TADA3: variants seen among roughly 807,000 people sequenced by gnomAD.
TADA3 encodes the protein transcriptional adapter 3.
In TADA3, 25 loss-of-function variants were observed where a neutral mutation model predicts 43.2. The ratio of observed to expected loss-of-function variants is 0.58; its 90% CI spans 0.42 to 0.81. The LOEUF is 0.81. Ranked by LOEUF, TADA3 falls within the 30% of genes least tolerant of loss-of-function variation. TADA3 has a pLI of 0.00. For synonymous variants in TADA3, 235 were observed against 225.5 expected, an observed-to-expected ratio of 1.04 and a Z score of -0.38; for missense variants, 441 against 567.8, an observed-to-expected ratio of 0.78 and a Z score of 2.27.
intron 8 of TADA3, 33 bp downstream of exon 8, chr3:9,783,995 A>AC: frequency 6.3e-7 from 1 of 1,584,604 alleles, no homozygotes; most frequent in Non-Finnish European, 8.6e-7. Context: ...CTCCAAGGCC[A>AC]CCCCCGGGAC....
chr3:9,788,859 G>T (rs1479065902), intron 4 of TADA3, among the ~76,000 whole-genome samples: 1 of 147,294 alleles, frequency 6.8e-6, no homozygotes, highest in Admixed American at 6.8e-5. Context: ...TTTTGGAGAC[G>T]GAGTCTTGCT....
At position 9,787,243 on chromosome 3, in the gene TADA3, T is replaced by C. The variant is rs2078636354; in HGVS notation, c.662A>G (p.Lys221Arg). The C allele has an allele frequency of 1.2e-6, 2 of 1,614,198 alleles. No individual in the cohort carries two copies. The highest frequency in any genetic ancestry group is 1.7e-6 in the Non-Finnish European group (2 of 1,180,036). ...CAGTGGCCCCATGAGGCCTTTCTTCTTGTCAGCCACAGCCGCTGCCCGGGC... is the reference window on the plus strand; with the variant it reads ...CAGTGGCCCCATGAGGCCTTTCTTCCTGTCAGCCACAGCCGCTGCCCGGGC... Reference protein sequence around the residue: ...DGARAAAVADKKKGLMGPLTE... With the variant: ...DGARAAAVADRKKGLMGPLTE... The change falls in exon 5 of 9, where the codon AAG (lysine) becomes AGG (arginine). Residue 221 changes from lysine to arginine, a missense_variant. Coordinates refer to ENST00000301964, the MANE Select transcript of TADA3 (RefSeq NM_006354.5).
At chr3:9,784,629 C>A (rs2078561825) in intron 7 of TADA3, among the ~76,000 whole-genome samples, 1 of 151,956 alleles carries the variant, frequency 6.6e-6, no homozygotes, top group African/African-American at 2.4e-5. Flanking sequence ...CTTTGGAAGG[C>A]CGAGGTGGGA....
upstream of TADA3, chr3:9,792,501 C>T (rs1393348061): frequency 6.6e-6 from 8 of 1,214,534 alleles, no homozygotes; most frequent in Non-Finnish European, 7.2e-6. Flanking sequence ...TTGCAGTTGA[C>T]GCGGGGGCGG....
Position 9,780,527 on chromosome 3 carries a change from G to T in TADA3, c.1129C>A (p.Arg377=), listed in dbSNP as rs755334555. The T allele has an allele frequency of 3.1e-6, 5 of 1,604,580 alleles. No homozygotes were observed. The highest frequency in any genetic ancestry group is 1.7e-4 in the Middle Eastern group (1 of 5,918). The change falls in exon 9 of 9, where the codon CGG becomes AGG. Residue 377 remains arginine (R), a synonymous_variant. Coordinates refer to ENST00000301964, the MANE Select transcript of TADA3 (RefSeq NM_006354.5). ...LLRLAKEEVS[R]QELRQRVRMA... is the part of the protein sequence containing the mutation. Reference sequence around the variant, plus strand: ...CGCACCCGCTGCCTCAGCTCCTGCCGGCTCACCTCCTCCTTTGCCAGCCTG... The same window carrying T: ...CGCACCCGCTGCCTCAGCTCCTGCCTGCTCACCTCCTCCTTTGCCAGCCTG...
chr3:9,792,668 G>T (rs159429), upstream of TADA3: 3 of 1,231,820 alleles, frequency 2.4e-6, no homozygotes, highest in Non-Finnish European at 3.0e-6. Context: ...CGAGATCTCC[G>T]CGCTGCAGTT....
rs755098953 is a variant in TADA3, at chr3:9,785,414, A to T, written c.822T>A (p.Ile274=). 7 of 1,612,574 alleles carry T rather than the reference A, an allele frequency of 4.3e-6. No homozygotes were observed. The East Asian group carries it at 1.3e-4, about 31-fold the overall frequency. Residue 274 remains isoleucine (I), a synonymous_variant, in exon 7 of 9, where the codon ATT becomes ATA. Transcript: ENST00000301964. Reference sequence around the variant, plus strand: ...GAATAGGAGAATCCTCCATAGGGGAAATAATATTTTCCTAGAAGACCACAA... The same window carrying T: ...GAATAGGAGAATCCTCCATAGGGGATATAATATTTTCCTAGAAGACCACAA... ...LLQALVEENI[I]SPMEDSPIPD... is the part of the protein sequence containing the mutation.
At chr3:9,787,419 C>A in intron 4 of TADA3, 79 bp from the exon 5 acceptor site, 1 of 1,516,620 alleles carries the variant, frequency 6.6e-7, no homozygotes, top group Non-Finnish European at 8.8e-7. Flanking sequence ...ACTTACCTAT[C>A]TTATATCTCT....
At chr3:9,792,723 A>G, upstream of TADA3, 3 of 1,234,270 alleles carry the variant, frequency 2.4e-6, no homozygotes, top group South Asian at 3.9e-5. Context: ...GGGCGAGAGA[A>G]AGGATGGGGG....
upstream of TADA3, chr3:9,792,512 G>T: frequency 8.2e-7 from 1 of 1,220,882 alleles, no homozygotes; most frequent in Non-Finnish European, 1.0e-6. Flanking sequence ...GCGGGGGCGG[G>T]GAGTCAGCGA....
chr3:9,789,935 C>G lies in TADA3; in HGVS notation c.236G>C (p.Gly79Ala), dbSNP rs1330867755. The G allele has an allele frequency of 6.2e-7, 1 of 1,604,878 alleles. No homozygotes were observed. The highest frequency in any genetic ancestry group is 2.2e-5 in the East Asian group (1 of 44,786). Residue 79 changes from glycine (G) to alanine (A), a missense_variant, in exon 3 of 9, where the codon GGT (glycine) becomes GCT (alanine). Transcript: ENST00000301964. ...ACCCAGCTTCAGGAATCGTCTGTCA[C>G]CTTTCTTATCCTGCCAGTCGGTGAG... ...QILTDWQDKK[G>A]DRRFLKLGRD...
At chr3:9,786,917 TA>T in intron 6 of TADA3, 88 bp downstream of exon 6, 1 of 1,268,092 alleles carries the variant, frequency 7.9e-7, no homozygotes, top group Non-Finnish European at 1.1e-6. Flanking sequence ...ACCAACCTAA[TA>T]AATGTATGAT....
chr3:9,785,392 TAGG>T lies in TADA3; in HGVS notation c.841_843del (p.Pro281del), dbSNP rs1388858126. ...GATTCTTTCCCAGACATGTCAGGAATAGGAGAATCCTCCATAGGGGAAATAATA... is the reference window on the plus strand; with the variant it reads ...GATTCTTTCCCAGACATGTCAGGAATAGAATCCTCCATAGGGGAAATAATA... On this transcript the variant is annotated inframe_deletion, in exon 7 of 9. Coordinates refer to ENST00000301964, the MANE Select transcript of TADA3 (RefSeq NM_006354.5). The T allele has an allele frequency of 6.2e-7, 1 of 1,613,942 alleles. No homozygotes were observed. Among genetic ancestry groups the T allele is most frequent in the African/African-American group, 1.3e-5 (1 of 74,928 alleles).
rs1359857254 is a variant in TADA3 at position 9,781,635 on chromosome 3, G to A, written c.1107-1086C>T. The A allele has an allele frequency of 2.0e-5, 9 of 450,288 alleles. No individual in the cohort carries two copies. The Admixed American group carries it at 2.1e-4, about 11-fold the overall frequency. The allele number at this position is 450,288 out of a possible 1,614,324, so 27.9% of individuals were successfully genotyped here. A position where few individuals can be genotyped will look rare whatever the true frequency, so the allele number is the denominator to read the frequency against. ...ACACCAGATCAATCTCTCTGAACAG[G>A]GTCTGATTTATACATTTCATCGATG... On this transcript the variant is annotated intron_variant, in intron 8 of 8. Transcript: ENST00000301964.
At chr3:9,792,991 C>A, upstream of TADA3, 1 of 1,470,778 alleles carries the variant, frequency 6.8e-7, no homozygotes. Flanking sequence ...GGCTCTCTAC[C>A]CCGCTCGGAG....
rs2078547033 is a variant in TADA3 at position 9,784,107 on chromosome 3, G to C, written c.1027C>G (p.Leu343Val). Residue 343 changes from leucine (L) to valine (V), a missense_variant, in exon 8 of 9, where the codon CTT becomes GTT. Coordinates refer to ENST00000301964, the MANE Select transcript of TADA3 (RefSeq NM_006354.5). ...RPAEDSEDEVLAELRKRQAEL... is the reference protein window; with the variant it reads ...RPAEDSEDEVVAELRKRQAEL... ...GCCTGCCGTTTGCGAAGCTCAGCAA[G>C]GACCTCATCCTCGGAGTCCTCTGCG... 6.2e-7 allele frequency: 1 copy of C among 1,614,104 alleles called. No homozygotes were observed. The highest frequency in any genetic ancestry group is 8.5e-7 in the Non-Finnish European group (1 of 1,180,044).
At position 9,787,229 on chromosome 3, in the gene TADA3, T is replaced by C. The variant is rs1359450192; in HGVS notation, c.676A>G (p.Met226Val). The C allele has an allele frequency of 1.2e-6, 2 of 1,614,194 alleles. No individual in the cohort carries two copies. Among genetic ancestry groups the C allele is most frequent in the South Asian group, 1.1e-5 (1 of 91,084 alleles). Residue 226 changes from methionine to valine, a missense_variant, in exon 5 of 9, where the codon ATG becomes GTG. Coordinates refer to ENST00000301964, the MANE Select transcript of TADA3 (RefSeq NM_006354.5). The stretch of plus-strand genomic sequence containing the variant: ...GTGTCCAGTTCGGTCAGTGGCCCCA[T>C]GAGGCCTTTCTTCTTGTCAGCCACA... Reference protein sequence around the residue: ...AAVADKKKGLMGPLTELDTKD... With the variant: ...AAVADKKKGLVGPLTELDTKD...
At chr3:9,780,653 G>A (rs2078438080) in intron 8 of TADA3, 104 bp from the exon 9 acceptor site, 1 of 1,227,672 alleles carries the variant, frequency 8.1e-7, no homozygotes, top group Non-Finnish European at 1.1e-6. Context: ...TGGCATGCCT[G>A]TGGATTGTGT....
Position 9,784,122 on chromosome 3 carries a change from A to C in TADA3, c.1012T>G (p.Ser338Ala). 1.2e-6 allele frequency: 2 copies of C among 1,614,168 alleles called. No homozygotes were observed. The highest frequency in any genetic ancestry group is 1.7e-6 in the Non-Finnish European group (2 of 1,180,016). ...AGCTCAGCAAGGACCTCATCCTCGGAGTCCTCTGCGGGGCGGTCCTCAGAC... is the reference window on the plus strand; with the variant it reads ...AGCTCAGCAAGGACCTCATCCTCGGCGTCCTCTGCGGGGCGGTCCTCAGAC... ...LESEDRPAED[S>A]EDEVLAELRK... Residue 338 changes from serine (S) to alanine (A), a missense_variant, in exon 8 of 9, where the codon TCC becomes GCC. Coordinates refer to ENST00000301964, the MANE Select transcript of TADA3 (RefSeq NM_006354.5).
Sources: allele counts gnomAD v4.1 joint callset (sites outside exome capture counted in the v4.1 genomes callset), GRCh38; gene constraint gnomAD v4.1.1; transcripts MANE v1.5; gene names NCBI Gene and HGNC (gene_info 2026-07-23, HGNC 2026-07-21).